Variants in FBXL7 observed in about 807,000 individuals in gnomAD.
The protein encoded by FBXL7 is F-box/LRR-repeat protein 7.
FBXL7 carries 12 observed loss-of-function variants against 38.3 expected under a neutral mutation model. The ratio of observed to expected loss-of-function variants is 0.31; its 90% CI spans 0.20 to 0.51. The LOEUF is 0.51. Ranked by LOEUF, FBXL7 falls within the 20% of genes least tolerant of loss-of-function variation. The probability of loss-of-function intolerance (pLI) is 0.98; values close to 1 mark genes in which losing one functional copy is unlikely to be tolerated. For synonymous variants in FBXL7, 297 were observed against 300.9 expected (o/e 0.99, Z 0.13); for missense variants, 567 against 676.4 (o/e 0.84, Z 1.79).
At chr5:15,595,620 T>G (rs1003107115) in intron 1 of FBXL7, among the ~76,000 whole-genome samples, 6 of 152,208 alleles carry the variant, frequency 3.9e-5, no homozygotes, top group African/African-American at 9.7e-5. Context: ...AGCTTCCAAC[T>G]AGGTGCTTTA....
intron 2 of FBXL7, among the ~76,000 whole-genome samples, chr5:15,680,750 A>G (rs1166723624): frequency 6.6e-6 from 1 of 152,188 alleles, no homozygotes; most frequent in African/African-American, 2.4e-5. Context: ...TAGGATGCCA[A>G]TGTATTATGT....
chr5:15,808,602 A>G (rs1035306362), intron 2 of FBXL7, among the ~76,000 whole-genome samples: 3 of 152,318 alleles, frequency 2.0e-5, no homozygotes, highest in Middle Eastern at 6.8e-3. Flanking sequence ...GCCAGAACCA[A>G]ACACATAAAG....
intron 2 of FBXL7, among the ~76,000 whole-genome samples, chr5:15,722,439 G>A (rs74724265): frequency 0.09 from 13,630 of 152,030 alleles, 744 homozygotes; most frequent in South Asian, 0.15. Context: ...TGTTAACCTC[G>A]GCTATTCAAC....
chr5:15,784,468 T>C (rs1474537704), intron 2 of FBXL7, among the ~76,000 whole-genome samples: 7 of 152,108 alleles, frequency 4.6e-5, no homozygotes, highest in Non-Finnish European at 8.8e-5. Context: ...ATTTAGAGAA[T>C]ATGTAAGAAT....
intron 2 of FBXL7, among the ~76,000 whole-genome samples, chr5:15,732,131 T>G (rs775599917): frequency 6.6e-6 from 1 of 152,236 alleles, no homozygotes; most frequent in Non-Finnish European, 1.5e-5. Flanking sequence ...ATTTAGTATT[T>G]AAAGGTTAGT....
intron 1 of FBXL7, among the ~76,000 whole-genome samples, chr5:15,539,284 T>A (rs1737670872): frequency 6.6e-6 from 1 of 152,222 alleles, no homozygotes; most frequent in African/African-American, 2.4e-5. Flanking sequence ...TAGGGATTCA[T>A]AGTTAAATGG....
At chr5:15,695,209 G>A (rs554959146) in intron 2 of FBXL7, among the ~76,000 whole-genome samples, 2 of 152,002 alleles carry the variant, frequency 1.3e-5, no homozygotes, top group Non-Finnish European at 2.9e-5. Context: ...TCTCCTCTAA[G>A]CCTCTCTCTT....
At chr5:15,613,116 T>C (rs917808742) in intron 1 of FBXL7, among the ~76,000 whole-genome samples, 2 of 152,208 alleles carry the variant, frequency 1.3e-5, no homozygotes, top group Non-Finnish European at 2.9e-5. Context: ...ATATTGGTGT[T>C]GCACAATAAT....
chr5:15,736,994 AT>A (rs1417907445), intron 2 of FBXL7, among the ~76,000 whole-genome samples: 1 of 152,154 alleles, frequency 6.6e-6, no homozygotes, highest in East Asian at 1.9e-4. Context: ...ATAACAACTC[AT>A]GAGGTAGATG....
chr5:15,797,001 A>G (rs1215655786), intron 2 of FBXL7, among the ~76,000 whole-genome samples: 1 of 152,212 alleles, frequency 6.6e-6, no homozygotes, highest in African/African-American at 2.4e-5. Context: ...CACATTTACC[A>G]TAATTCTCAT....
chr5:15,541,443 GTATATATATATATATATATATATATATA>G (rs56810372), intron 1 of FBXL7, among the ~76,000 whole-genome samples: 3 of 38,426 alleles, frequency 7.8e-5, no homozygotes, highest in Non-Finnish European at 9.6e-5. Context: ...GTGTGTGTGT[GTATATATATATATATATATATATATATA>G]TATATATATA....
chr5:15,780,358 A>G (rs972912528), intron 2 of FBXL7, among the ~76,000 whole-genome samples: 2 of 151,984 alleles, frequency 1.3e-5, no homozygotes, highest in Admixed American at 1.3e-4. Context: ...CCCACTATAC[A>G]TATATATTTT....
At chr5:15,669,953 C>T (rs565666191) in intron 2 of FBXL7, among the ~76,000 whole-genome samples, 16 of 152,088 alleles carry the variant, frequency 1.1e-4, no homozygotes, top group South Asian at 2.1e-4. Flanking sequence ...GTGTCACTTC[C>T]GGGTGGAAGC....
At chr5:15,871,150 T>C (rs1012376592) in intron 2 of FBXL7, among the ~76,000 whole-genome samples, 13 of 152,216 alleles carry the variant, frequency 8.5e-5, no homozygotes, top group African/African-American at 3.1e-4. Context: ...CAGCCTCTGC[T>C]GGTGACACCC....
intron 2 of FBXL7, among the ~76,000 whole-genome samples, chr5:15,895,127 A>G (rs1234578227): frequency 6.6e-6 from 1 of 152,210 alleles, no homozygotes; most frequent in Admixed American, 6.5e-5. Flanking sequence ...TTAGGTTGGC[A>G]CAAAAGTAAT....
intron 2 of FBXL7, among the ~76,000 whole-genome samples, chr5:15,697,220 ATAGG>A (rs1389370139): frequency 1.3e-5 from 2 of 152,136 alleles, no homozygotes. Flanking sequence ...GCCTTAAGGA[ATAGG>A]TCCTCTCTGG....
chr5:15,845,854 C>G (rs561874235), intron 2 of FBXL7, among the ~76,000 whole-genome samples: 2 of 152,236 alleles, frequency 1.3e-5, no homozygotes, highest in Non-Finnish European at 1.5e-5. Flanking sequence ...GCCTGGAGTC[C>G]CAGCTACTCG....
intron 2 of FBXL7, among the ~76,000 whole-genome samples, chr5:15,684,014 AT>A (rs1742932772): frequency 6.6e-6 from 1 of 152,168 alleles, no homozygotes; most frequent in South Asian, 2.1e-4. Context: ...TATTTTAATA[AT>A]TTTCCCACAT....
intron 2 of FBXL7, among the ~76,000 whole-genome samples, chr5:15,870,671 G>C (rs1739915614): frequency 6.6e-6 from 1 of 152,138 alleles, no homozygotes; most frequent in African/African-American, 2.4e-5. Context: ...GTAAATTAAA[G>C]AAGTTATATT....
Sources: allele counts gnomAD v4.1 joint callset (sites outside exome capture counted in the v4.1 genomes callset), GRCh38; gene constraint gnomAD v4.1.1; transcripts MANE v1.5; gene names NCBI Gene and HGNC (gene_info 2026-07-23, HGNC 2026-07-21).